The following ENTREP3 variants were observed in gnomAD, a reference collection of about 807,000 sequenced individuals.
ENTREP3 encodes protein ENTREP3.
At chr1:155,254,531 C>T in the ENTREP3 span, 1 of 1,579,788 alleles carries the variant, frequency 6.3e-7, no homozygotes, top group Non-Finnish European at 8.7e-7. The surrounding 1 kb of genome is among the most constrained non-coding windows in gnomAD (Gnocchi z 4.4). Flanking sequence ...AGGATGCACC[C>T]AGCCCTGTAA....
the ENTREP3 span, chr1:155,253,101 G>A: frequency 6.5e-6 from 1 of 152,864 alleles, no homozygotes; most frequent in Non-Finnish European, 1.5e-5. Context: ...TAGAGATGGG[G>A]TTTCACCATG....
chr1:155,251,380 C>T, the ENTREP3 span: 2 of 755,066 alleles, frequency 2.6e-6, no homozygotes, highest in Non-Finnish European at 4.4e-6. Flanking sequence ...CAACAGTGGG[C>T]ATGCTGGTGC....
At chr1:155,252,479 C>T in the ENTREP3 span, among the ~76,000 whole-genome samples, 14 of 150,752 alleles carry the variant, frequency 9.3e-5, no homozygotes, top group Non-Finnish European at 1.9e-4. Flanking sequence ...AAGCGATTCT[C>T]CAGCCTCAGT....
the ENTREP3 span, chr1:155,250,424 C>CGGGGTGGGGGGGGGG: frequency 2.1e-6 from 1 of 468,926 alleles, no homozygotes; most frequent in Non-Finnish European, 3.6e-6. The surrounding 1 kb of genome is among the most constrained non-coding windows in gnomAD (Gnocchi z 5.4). Flanking sequence ...CTCGGGTGGG[C>CGGGGTGGGGGGGGGG]GGGGCTGCGG....
At chr1:155,249,736 G>A in the ENTREP3 span, among the ~76,000 whole-genome samples, 3 of 152,012 alleles carry the variant, frequency 2.0e-5, no homozygotes, top group East Asian at 1.9e-4. Flanking sequence ...AAAAATAGCC[G>A]GGCGTGGTGG....
At chr1:155,247,260 G>A in the ENTREP3 span, 1 of 376,822 alleles carries the variant, frequency 2.7e-6, no homozygotes, top group Non-Finnish European at 5.3e-6. Flanking sequence ...ATACTGTTAA[G>A]AGCTTTACAA....
the ENTREP3 span, chr1:155,254,598 T>C: frequency 4.4e-6 from 7 of 1,577,290 alleles, no homozygotes; most frequent in Non-Finnish European, 6.1e-6. The surrounding 1 kb of genome is among the most constrained non-coding windows in gnomAD (Gnocchi z 4.4). Flanking sequence ...GCAGCTGGTG[T>C]GGAGGGTGGG....
the ENTREP3 span, chr1:155,255,028 C>T: frequency 1.6e-6 from 1 of 638,486 alleles, no homozygotes; most frequent in Non-Finnish European, 2.7e-6. The surrounding 1 kb of genome is among the most constrained non-coding windows in gnomAD (Gnocchi z 5.6). Flanking sequence ...GGCCGAGGGA[C>T]GCCAGCTGTG....
At chr1:155,253,666 C>T in the ENTREP3 span, 2 of 1,613,964 alleles carry the variant, frequency 1.2e-6, no homozygotes, top group African/African-American at 1.3e-5. Context: ...ATGCAGCAGA[C>T]AATAGCAGAG....
chr1:155,247,962 A>AG, the ENTREP3 span: 2 of 1,605,892 alleles, frequency 1.2e-6, no homozygotes, highest in African/African-American at 1.3e-5. Flanking sequence ...GCACCTGGAC[A>AG]GGGACACAAG....
chr1:155,254,360 G>A, the ENTREP3 span: 1 of 1,608,154 alleles, frequency 6.2e-7, no homozygotes, highest in Non-Finnish European at 8.5e-7. This position sits in a 1 kb window ranked among gnomAD's most constrained non-coding sequence, Gnocchi z 4.4. Context: ...TTGCGTGCTG[G>A]GCACCTGCCT....
At chr1:155,250,186 A>C in the ENTREP3 span, 1 of 1,192,808 alleles carries the variant, frequency 8.4e-7, no homozygotes, top group African/African-American at 1.6e-5. The surrounding 1 kb of genome is among the most constrained non-coding windows in gnomAD (Gnocchi z 5.4). Context: ...AGGGACCTCA[A>C]CTGTGCCCCA....
the ENTREP3 span, chr1:155,254,255 A>G: frequency 6.7e-7 from 1 of 1,487,012 alleles, no homozygotes; most frequent in South Asian, 1.1e-5. The surrounding 1 kb of genome is among the most constrained non-coding windows in gnomAD (Gnocchi z 4.4). Flanking sequence ...TCTGCCACGG[A>G]CAGAGTCCCC....
the ENTREP3 span, chr1:155,250,870 C>A: frequency 2.0e-6 from 3 of 1,522,502 alleles, no homozygotes; most frequent in Admixed American, 4.0e-5. The surrounding 1 kb of genome is among the most constrained non-coding windows in gnomAD (Gnocchi z 5.4). Context: ...CCTGGCCTAG[C>A]CCTGCCCAGG....
At chr1:155,249,861 G>C in the ENTREP3 span, among the ~76,000 whole-genome samples, 1 of 148,574 alleles carries the variant, frequency 6.7e-6, no homozygotes, top group Non-Finnish European at 1.5e-5. Flanking sequence ...ACTCCAGCCT[G>C]GGTGACAGAG....
the ENTREP3 span, chr1:155,254,992 C>T: frequency 1.2e-6 from 1 of 827,322 alleles, no homozygotes. This position sits in a 1 kb window ranked among gnomAD's most constrained non-coding sequence, Gnocchi z 4.4. Flanking sequence ...CTAGAGCCCA[C>T]CCCCTGGCTG....
chr1:155,249,885 C>CAAA, the ENTREP3 span, among the ~76,000 whole-genome samples: 1 of 31,136 alleles, frequency 3.2e-5, no homozygotes, highest in East Asian at 4.5e-4. Flanking sequence ...GACACCGTCT[C>CAAA]AAAAAAAAAA....
the ENTREP3 span, chr1:155,254,982 C>G: frequency 2.3e-6 from 2 of 885,184 alleles, no homozygotes; most frequent in Non-Finnish European, 3.5e-6. This position sits in a 1 kb window ranked among gnomAD's most constrained non-coding sequence, Gnocchi z 4.4. Context: ...CCCACTCGCT[C>G]TAGAGCCCAC....
At chr1:155,250,528 G>T in the ENTREP3 span, 2 of 1,532,958 alleles carry the variant, frequency 1.3e-6, no homozygotes, top group East Asian at 4.7e-5. This position sits in a 1 kb window ranked among gnomAD's most constrained non-coding sequence, Gnocchi z 5.4. Context: ...TGGCAGCTGC[G>T]GGCAGCTGTG....
Sources: allele counts gnomAD v4.1 joint callset (sites outside exome capture counted in the v4.1 genomes callset), GRCh38; gene constraint gnomAD v4.1.1; non-coding constraint Gnocchi (gnomAD v3.1); transcripts MANE v1.5; gene names NCBI Gene and HGNC (gene_info 2026-07-23, HGNC 2026-07-21).